Variants in PRKN observed in about 807,000 individuals in gnomAD.
PRKN encodes E3 ubiquitin-protein ligase parkin.
Under a neutral mutation model 59.5 loss-of-function variants are expected in PRKN, and 56 were observed. The ratio of observed to expected loss-of-function variants is 0.94; its 90% CI spans 0.76 to 1.18. The LOEUF (loss-of-function observed/expected upper bound fraction) is 1.18, where lower values mean the gene tolerates loss of function less well. Among genes scored for constraint, PRKN ranks in the 50% most tolerant of loss-of-function variants. The probability of loss-of-function intolerance (pLI) is 0.00; values close to 1 mark genes in which losing one functional copy is unlikely to be tolerated. For missense variants in PRKN, 657 were observed against 596.4 expected, an observed-to-expected ratio of 1.10 and a Z score of -1.06; for synonymous variants, 250 against 222.1, an observed-to-expected ratio of 1.13 and a Z score of -1.12.
intron 2 of PRKN, among the ~76,000 whole-genome samples, chr6:162,414,060 A>C (rs1339857326): frequency 6.6e-6 from 1 of 152,078 alleles, no homozygotes; most frequent in Non-Finnish European, 1.5e-5. Context: ...GCAGGCACCT[A>C]TAATGCCAGC....
chr6:162,440,591 G>C (rs1271703879), intron 2 of PRKN, among the ~76,000 whole-genome samples: 2 of 152,080 alleles, frequency 1.3e-5, no homozygotes, highest in Non-Finnish European at 2.9e-5. Context: ...TGCATGATAA[G>C]CTAATATATA....
chr6:162,372,377 C>G (rs10945820), intron 2 of PRKN, among the ~76,000 whole-genome samples: 2 of 152,006 alleles, frequency 1.3e-5, no homozygotes, highest in African/African-American at 4.8e-5. Context: ...CTCATTTACA[C>G]GCTGTGCTCC....
intron 7 of PRKN, among the ~76,000 whole-genome samples, chr6:161,641,598 C>G (rs1783740227): frequency 6.6e-6 from 1 of 152,322 alleles, no homozygotes; most frequent in East Asian, 1.9e-4. Flanking sequence ...ACAGCCAGAT[C>G]TGTGTGAATG....
At position 162,307,389 on chromosome 6, in the gene PRKN, C is replaced by T. The variant is rs893566487; in HGVS notation, c.172-44624G>A. On this transcript the variant is annotated intron_variant, in intron 2 of 11. Transcript: ENST00000366898. ...CGCTCCAGCCTGGGCGGCAAAGAGA[C>T]ACCGTCTCAATAAAAAAAAAAAAAA... Among the ~76,000 whole-genome samples the T allele has an allele frequency of 2.1e-5, 3 of 144,112 alleles. 1 individual carries two copies. The highest frequency in any genetic ancestry group is 4.4e-4 in the South Asian group (2 of 4,556). The allele number at this position is 144,112 out of a possible 152,430, so 94.5% of individuals were successfully genotyped here. A position where few individuals can be genotyped will look rare whatever the true frequency, so the allele number is the denominator to read the frequency against.
At chr6:162,050,085 A>T (rs1031710435) in intron 5 of PRKN, among the ~76,000 whole-genome samples, 1 of 152,154 alleles carries the variant, frequency 6.6e-6, no homozygotes, top group African/African-American at 2.4e-5. Context: ...TCAAAACCTC[A>T]AAAGTCTCCT....
chr6:162,266,712 C>T (rs1456908695), intron 2 of PRKN, among the ~76,000 whole-genome samples: 1 of 152,096 alleles, frequency 6.6e-6, no homozygotes, highest in Non-Finnish European at 1.5e-5. Flanking sequence ...AATAATATAT[C>T]AACTTTGAAG....
chr6:161,764,823 C>G (rs1789355541), intron 7 of PRKN, among the ~76,000 whole-genome samples: 1 of 152,122 alleles, frequency 6.6e-6, no homozygotes. Flanking sequence ...GCTCTGTAGT[C>G]TTTTCTAGAA....
chr6:162,359,059 CAAAAAAAA>C (rs71692740), intron 2 of PRKN, among the ~76,000 whole-genome samples: 3 of 92,634 alleles, frequency 3.2e-5, no homozygotes, highest in African/African-American at 5.1e-5. Flanking sequence ...CACACTGTGG[CAAAAAAAA>C]AAAAAAAAAA....
chr6:161,999,441 G>T lies in PRKN; in HGVS notation c.619-26024C>A, dbSNP rs934669622. ...TCCACAATTCCTGAAAAATAAAAAC[G>T]TGTCTTGTAGTGAAAAGGTGAAAGC... On this transcript the variant is annotated intron_variant, in intron 5 of 11. Transcript: ENST00000366898. Among the ~76,000 whole-genome samples, 4 of 152,058 alleles carry T rather than the reference G, an allele frequency of 2.6e-5. No homozygotes were observed. In the East Asian group the frequency reaches 7.7e-4, roughly 29 times the overall value.
At chr6:161,479,158 G>A (rs930134841) in intron 9 of PRKN, among the ~76,000 whole-genome samples, 6 of 152,188 alleles carry the variant, frequency 3.9e-5, no homozygotes, top group Non-Finnish European at 8.8e-5. Flanking sequence ...TCTGTATGCC[G>A]TATGATTGTT....
In PRKN at chr6:161,658,279, T is replaced by C. The variant is rs115055828; in HGVS notation, c.872-88863A>G. ...GAATAATTGCATTATTCATGAGCCA[T>C]GCTCCGTTAATTGGAAGTGTTGGTC... On this transcript the variant is annotated intron_variant, in intron 7 of 11. Coordinates refer to ENST00000366898, the MANE Select transcript of PRKN (RefSeq NM_004562.3). Among the ~76,000 whole-genome samples, 649 of 152,282 alleles carry C rather than the reference T, an allele frequency of 4.3e-3. 4 individuals are homozygous for C. Among genetic ancestry groups the C allele is most frequent in the African/African-American group, 0.015 (624 of 41,564 alleles).
chr6:162,565,323 G>A (rs1370394950), intron 1 of PRKN, among the ~76,000 whole-genome samples: 1 of 152,110 alleles, frequency 6.6e-6, no homozygotes, highest in African/African-American at 2.4e-5. Context: ...AAAGAAAGAA[G>A]GAAGAGAAGA....
chr6:162,012,791 C>T (rs1001632940), intron 5 of PRKN, among the ~76,000 whole-genome samples: 2 of 152,096 alleles, frequency 1.3e-5, no homozygotes, highest in Admixed American at 1.3e-4. Flanking sequence ...TTGACATTTT[C>T]TGTTGAGTGT....
chr6:161,862,080 ATT>A (rs1358719544), intron 6 of PRKN, among the ~76,000 whole-genome samples: 4 of 152,130 alleles, frequency 2.6e-5, no homozygotes, highest in African/African-American at 7.2e-5. Flanking sequence ...TTCTAAGGAC[ATT>A]TGTTATTGGA....
At chr6:162,509,279 A>G (rs1378500795) in intron 1 of PRKN, among the ~76,000 whole-genome samples, 1 of 152,154 alleles carries the variant, frequency 6.6e-6, no homozygotes, top group East Asian at 1.9e-4. Context: ...CCTGGTATCC[A>G]TTAGGGACCC....
chr6:161,583,212 A>G (rs1194034456), intron 7 of PRKN, among the ~76,000 whole-genome samples: 2 of 152,194 alleles, frequency 1.3e-5, no homozygotes, highest in African/African-American at 4.8e-5. Context: ...TAGGTTATAT[A>G]TAGTTCCTTT....
intron 6 of PRKN, among the ~76,000 whole-genome samples, chr6:161,961,000 A>G (rs978993585): frequency 6.6e-6 from 1 of 152,238 alleles, no homozygotes; most frequent in Non-Finnish European, 1.5e-5. Flanking sequence ...TAAAATGGGT[A>G]TAAATAACAT....
chr6:162,409,167 TTG>T (rs1054531385), intron 2 of PRKN, among the ~76,000 whole-genome samples: 2 of 151,020 alleles, frequency 1.3e-5, no homozygotes, highest in Non-Finnish European at 2.9e-5. Context: ...TTCTTTTCTT[TTG>T]TATTTTTTTT....
intron 4 of PRKN, among the ~76,000 whole-genome samples, chr6:162,182,285 C>A (rs1783832334): frequency 6.6e-6 from 1 of 152,096 alleles, no homozygotes. Context: ...ATTCAATCTG[C>A]GTTTACATTT....
Sources: allele counts gnomAD v4.1 joint callset (sites outside exome capture counted in the v4.1 genomes callset), GRCh38; gene constraint gnomAD v4.1.1; transcripts MANE v1.5; gene names NCBI Gene and HGNC (gene_info 2026-07-23, HGNC 2026-07-21).